Variants in INPP4B observed in about 807,000 individuals in gnomAD.
The protein encoded by INPP4B is inositol polyphosphate 4-phosphatase type II.
Under a neutral mutation model 122.5 loss-of-function variants are expected in INPP4B, and 55 were observed. The ratio of observed to expected loss-of-function variants is 0.45; its 90% CI spans 0.36 to 0.56. INPP4B has a LOEUF of 0.56. Ranked by LOEUF, INPP4B falls within the 20% of genes least tolerant of loss-of-function variation. INPP4B has a pLI of 0.00. For missense variants in INPP4B, 1,000 were observed against 1,097.7 expected, an observed-to-expected ratio of 0.91 and a Z score of 1.26; for synonymous variants, 403 against 388.7, an observed-to-expected ratio of 1.04 and a Z score of -0.43.
chr4:142,573,225 G>A (rs571051551), intron 2 of INPP4B, among the ~76,000 whole-genome samples: 1 of 151,886 alleles, frequency 6.6e-6, no homozygotes, highest in Non-Finnish European at 1.5e-5. Flanking sequence ...GGAGAAATCC[G>A]CCCCCATGAT....
rs558983802 is a variant in INPP4B, at chr4:142,156,986, C to T, written c.1563+3372G>A. 8.5e-4 allele frequency among the ~76,000 whole-genome samples: 129 copies of T among 152,070 alleles called. 2 individuals are homozygous for T. In the Middle Eastern group the frequency reaches 0.034, roughly 40 times the overall value. ...GAATTACTGTAACCTTATTTGCAAA[C>T]GTAAGCCAATTTAAGTGATCAGGGA... On this transcript the variant is annotated intron_variant, in intron 17 of 25. Transcript: ENST00000262992.
chr4:142,252,055 T>A (rs896879475), intron 11 of INPP4B, among the ~76,000 whole-genome samples: 5 of 152,238 alleles, frequency 3.3e-5, no homozygotes, highest in Non-Finnish European at 7.3e-5. Flanking sequence ...GTTTACCGCA[T>A]AGGTGATCTT....
chr4:142,533,593 T>G (rs1827867117), intron 2 of INPP4B, among the ~76,000 whole-genome samples: 1 of 152,188 alleles, frequency 6.6e-6, no homozygotes, highest in Non-Finnish European at 1.5e-5. Flanking sequence ...TCATCATAAT[T>G]ACTGTATCAC....
chr4:142,761,865 C>A (rs1771389421), intron 1 of INPP4B, among the ~76,000 whole-genome samples: 1 of 152,068 alleles, frequency 6.6e-6, no homozygotes, highest in African/African-American at 2.4e-5. Context: ...CAAGGTGGAG[C>A]ATAAACCATT....
intron 7 of INPP4B, among the ~76,000 whole-genome samples, chr4:142,358,561 G>T (rs1485778335): frequency 6.7e-6 from 1 of 149,758 alleles, no homozygotes; most frequent in Non-Finnish European, 1.5e-5. Context: ...ATCTTCCCAG[G>T]AGCTTTTAAA....
In INPP4B at chr4:142,431,225, CCTT is replaced by C. The variant is rs749771930; in HGVS notation, c.32_34del (p.Glu11del). 1 of 1,613,348 alleles carries C rather than the reference CCTT, an allele frequency of 6.2e-7. No homozygotes were observed. Among genetic ancestry groups the C allele is most frequent in the Admixed American group, 1.7e-5 (1 of 59,980 alleles). ...CTGGGCTGTAGGAAGAAAGTGCTGC[CCTT>C]CTTCTGATGCCCCTTCCTCTTTAAT... On this transcript the variant is annotated inframe_deletion, in exon 4 of 26. Coordinates refer to ENST00000262992, the MANE Select transcript of INPP4B (RefSeq NM_001101669.3).
intron 2 of INPP4B, among the ~76,000 whole-genome samples, chr4:142,679,564 G>A (rs1758297213): frequency 6.6e-6 from 1 of 151,744 alleles, no homozygotes; most frequent in Non-Finnish European, 1.5e-5. Flanking sequence ...TTGTTGTGTA[G>A]TAAGGTTGAG....
At chr4:142,110,767 A>T (rs909493585) in intron 22 of INPP4B, among the ~76,000 whole-genome samples, 1 of 152,170 alleles carries the variant, frequency 6.6e-6, no homozygotes, top group Non-Finnish European at 1.5e-5. Context: ...AGGAAAGGAC[A>T]CTTCTTAAAT....
intron 21 of INPP4B, among the ~76,000 whole-genome samples, chr4:142,117,700 A>G (rs1794368850): frequency 6.6e-6 from 1 of 152,150 alleles, no homozygotes; most frequent in Non-Finnish European, 1.5e-5. Context: ...ACCCACAGCC[A>G]ATATCATACT....
At chr4:142,312,726 G>A (rs1357683675) in intron 8 of INPP4B, among the ~76,000 whole-genome samples, 1 of 152,180 alleles carries the variant, frequency 6.6e-6, no homozygotes, top group Non-Finnish European at 1.5e-5. Flanking sequence ...TGGAATGGGG[G>A]TGGGCAGTGG....
At chr4:142,066,115 C>A (rs1343768396) in intron 25 of INPP4B, among the ~76,000 whole-genome samples, 3 of 152,138 alleles carry the variant, frequency 2.0e-5, no homozygotes, top group Admixed American at 6.5e-5. Flanking sequence ...ATTTCAACCC[C>A]AAATAATGCC....
At chr4:142,123,263 AT>A (rs751571152) in intron 20 of INPP4B, 28 bp downstream of exon 20, 3 of 1,520,250 alleles carry the variant, frequency 2.0e-6, no homozygotes, top group African/African-American at 2.8e-5. Context: ...TAGAAATGTG[AT>A]TTTAACTTGT....
At chr4:142,448,252 C>A (rs1014054927) in intron 3 of INPP4B, among the ~76,000 whole-genome samples, 9 of 149,404 alleles carry the variant, frequency 6.0e-5, no homozygotes, top group African/African-American at 2.2e-4. Flanking sequence ...ATGCTACACA[C>A]CTATGGCCCT....
chr4:142,704,925 C>T (rs369746879), intron 2 of INPP4B, among the ~76,000 whole-genome samples: 2 of 152,122 alleles, frequency 1.3e-5, no homozygotes, highest in East Asian at 1.9e-4. Flanking sequence ...GATTAGTGCC[C>T]GCTTAACCAT....
intron 1 of INPP4B, among the ~76,000 whole-genome samples, chr4:142,790,879 C>T (rs985840256): frequency 7.9e-5 from 12 of 151,934 alleles, no homozygotes; most frequent in African/African-American, 2.7e-4. Context: ...AGCCCAACAT[C>T]TCAAATGGGT....
chr4:142,473,030 A>T (rs2149695337), intron 2 of INPP4B, among the ~76,000 whole-genome samples: 1 of 152,350 alleles, frequency 6.6e-6, no homozygotes, highest in African/African-American at 2.4e-5. Context: ...TAAATTAAAT[A>T]ATAAAGACAA....
chr4:142,756,810 A>C (rs1049842963), intron 1 of INPP4B, among the ~76,000 whole-genome samples: 1 of 152,128 alleles, frequency 6.6e-6, no homozygotes, highest in African/African-American at 2.4e-5. Flanking sequence ...GAAATTGAAA[A>C]CAACAATGAT....
chr4:142,706,726 G>C (rs1473143898), intron 2 of INPP4B, among the ~76,000 whole-genome samples: 1 of 152,236 alleles, frequency 6.6e-6, no homozygotes, highest in Non-Finnish European at 1.5e-5. Context: ...GGCCAGACAA[G>C]CCTCACAAAT....
intron 7 of INPP4B, among the ~76,000 whole-genome samples, chr4:142,356,542 G>A (rs1212784034): frequency 6.6e-6 from 1 of 151,814 alleles, no homozygotes; most frequent in Admixed American, 6.6e-5. Context: ...GAGGATAAAA[G>A]GTTGCTCTTG....
Sources: gnomAD v4.1 joint callset for allele counts (sites outside exome capture counted in the v4.1 genomes callset) on GRCh38, gnomAD v4.1.1 for gene constraint, MANE v1.5 for transcripts, NCBI Gene and HGNC (gene_info 2026-07-23, HGNC 2026-07-21) for gene names.